The following LMX1A variants were observed in gnomAD, a reference collection of about 807,000 sequenced individuals.
LMX1A encodes LIM homeobox transcription factor 1-alpha.
Under a neutral mutation model 49.1 loss-of-function variants are expected in LMX1A, and 15 were observed. That is an observed-to-expected ratio of 0.31 (90% confidence interval 0.20 to 0.47). The LOEUF (loss-of-function observed/expected upper bound fraction) is 0.47, where lower values mean the gene tolerates loss of function less well. Ranked by LOEUF, LMX1A falls within the 20% of genes least tolerant of loss-of-function variation. The pLI, the probability that LMX1A is intolerant of heterozygous loss-of-function variation, is 1.00. For synonymous variants in LMX1A, 167 were observed against 185.7 expected, an observed-to-expected ratio of 0.90 and a Z score of 0.82; for missense variants, 372 against 475.8, an observed-to-expected ratio of 0.78 and a Z score of 2.03.
At chr1:165,291,416 T>C (rs1315164422) in intron 3 of LMX1A, among the ~76,000 whole-genome samples, 1 of 152,202 alleles carries the variant, frequency 6.6e-6, no homozygotes, top group East Asian at 1.9e-4. Context: ...CCATCTGTTA[T>C]GTTCCAGCTG....
At chr1:165,247,048 C>CTTTTTTTTTTTTTTTTT (rs1204141626) in intron 4 of LMX1A, among the ~76,000 whole-genome samples, 5 of 21,420 alleles carry the variant, frequency 2.3e-4, no homozygotes, top group Non-Finnish European at 4.0e-4. Flanking sequence ...ATCAGATCAG[C>CTTTTTTTTTTTTTTTTT]TTTTTCTTTT....
At chr1:165,296,527 C>T (rs552732101) in intron 3 of LMX1A, among the ~76,000 whole-genome samples, 2 of 152,386 alleles carry the variant, frequency 1.3e-5, no homozygotes, top group East Asian at 1.9e-4. Context: ...TCAGGTATCA[C>T]GTTGACTGTG....
chr1:165,270,561 G>C (rs569199170), intron 3 of LMX1A, among the ~76,000 whole-genome samples: 1 of 152,332 alleles, frequency 6.6e-6, no homozygotes, highest in Non-Finnish European at 1.5e-5. Context: ...GTGTCAAACA[G>C]TTAGAAAATG....
intron 3 of LMX1A, among the ~76,000 whole-genome samples, chr1:165,347,464 T>A (rs1261401661): frequency 6.6e-6 from 1 of 152,180 alleles, no homozygotes; most frequent in Non-Finnish European, 1.5e-5. Context: ...CCTCACCCCA[T>A]CCCTATATCT....
At position 165,296,978 on chromosome 1, in the gene LMX1A, C is replaced by T. The variant is rs533021508; in HGVS notation, c.264-47338G>A. Reference sequence around the variant, plus strand: ...GATGAGTTAGATGTACAGGAAGGTCCGCAAACTCCTAACAGGTGTCCTGGT... The same window carrying T: ...GATGAGTTAGATGTACAGGAAGGTCTGCAAACTCCTAACAGGTGTCCTGGT... On this transcript the variant is annotated intron_variant, in intron 3 of 8. Coordinates refer to ENST00000342310, the MANE Select transcript of LMX1A (RefSeq NM_177398.4). Among the ~76,000 whole-genome samples, 6 of 152,312 alleles carry T rather than the reference C, an allele frequency of 3.9e-5. No homozygotes were observed. The South Asian group carries it at 6.2e-4, about 16-fold the overall frequency.
intron 3 of LMX1A, among the ~76,000 whole-genome samples, chr1:165,289,421 C>A (rs1277827928): frequency 6.6e-6 from 1 of 152,140 alleles, no homozygotes; most frequent in African/African-American, 2.4e-5. Context: ...GTAAAATGCC[C>A]CAGGAACTGG....
intron 7 of LMX1A, among the ~76,000 whole-genome samples, chr1:165,207,859 C>T (rs1017895726): frequency 2.6e-5 from 4 of 152,206 alleles, no homozygotes; most frequent in African/African-American, 4.8e-5. Context: ...ATCAGCAGTT[C>T]TAAGCCTGCA....
chr1:165,204,297 G>T (rs1305481638), intron 8 of LMX1A, among the ~76,000 whole-genome samples: 1 of 152,194 alleles, frequency 6.6e-6, no homozygotes, highest in Non-Finnish European at 1.5e-5. Context: ...GGAGTGTGGG[G>T]AGTAGGCAGG....
At chr1:165,223,351 A>T (rs1162573202) in intron 4 of LMX1A, among the ~76,000 whole-genome samples, 1 of 152,194 alleles carries the variant, frequency 6.6e-6, no homozygotes, top group East Asian at 1.9e-4. Flanking sequence ...TAAGAAACTC[A>T]AACTCCTCAT....
At chr1:165,210,051 G>A (rs138971495) in intron 6 of LMX1A, among the ~76,000 whole-genome samples, 74 of 152,338 alleles carry the variant, frequency 4.9e-4, no homozygotes, top group African/African-American at 1.5e-3. Context: ...AGCATTCTGC[G>A]CTGATTGTTG....
At chr1:165,228,037 C>A (rs567666256) in intron 4 of LMX1A, among the ~76,000 whole-genome samples, 1 of 152,290 alleles carries the variant, frequency 6.6e-6, no homozygotes, top group East Asian at 1.9e-4. Flanking sequence ...ACAGACAGGA[C>A]CTCTTACTCT....
At chr1:165,275,825 T>C (rs1021607846) in intron 3 of LMX1A, among the ~76,000 whole-genome samples, 6 of 148,452 alleles carry the variant, frequency 4.0e-5, no homozygotes, top group Non-Finnish European at 6.0e-5. Context: ...CTAGAGCTTT[T>C]ATGGCGCTGG....
At position 165,276,043 on chromosome 1, in the gene LMX1A, C is replaced by T. The variant is rs373243008; in HGVS notation, c.264-26403G>A. Among the ~76,000 whole-genome samples, 20 of 151,734 alleles carry T rather than the reference C, an allele frequency of 1.3e-4. 1 individual carries two copies. The highest frequency in any genetic ancestry group is 7.2e-4 in the Admixed American group (11 of 15,250). ...AGTGATGGGATGCACACACCCCACC[C>T]GAGAGGCTGGCAGGAAGAAGAGGGG... On this transcript the variant is annotated intron_variant, in intron 3 of 8. Coordinates refer to ENST00000342310, the MANE Select transcript of LMX1A (RefSeq NM_177398.4).
chr1:165,253,753 G>A (rs887338587), intron 3 of LMX1A, among the ~76,000 whole-genome samples: 4 of 152,146 alleles, frequency 2.6e-5, no homozygotes, highest in African/African-American at 4.8e-5. Flanking sequence ...TGAAATTGGG[G>A]GATAGTCCAA....
In LMX1A at chr1:165,210,835, C is replaced by T. The variant is rs944181448; in HGVS notation, c.670-59G>A. 13 of 1,286,340 alleles carry T rather than the reference C, an allele frequency of 1.0e-5. No individual in the cohort carries two copies. In the East Asian group the frequency reaches 2.8e-4, roughly 28 times the overall value. The allele number at this position is 1,286,340 out of a possible 1,614,324, so 79.7% of individuals were successfully genotyped here. ...TGGCATCTCAGGGTAGGAGGTAGAA[C>T]ATCTCCTATATAATACTTGAGGAGG... On this transcript the variant is annotated intron_variant, in intron 5 of 8. Coordinates refer to ENST00000342310, the MANE Select transcript of LMX1A (RefSeq NM_177398.4).
intron 3 of LMX1A, among the ~76,000 whole-genome samples, chr1:165,284,404 G>A (rs116200844): frequency 1.5e-3 from 233 of 152,302 alleles, no homozygotes; most frequent in African/African-American, 5.4e-3. Context: ...AGGAGCTGAC[G>A]AAGGACTGCT....
intron 4 of LMX1A, among the ~76,000 whole-genome samples, chr1:165,243,280 A>G (rs1459579448): frequency 1.3e-5 from 2 of 152,244 alleles, no homozygotes; most frequent in African/African-American, 4.8e-5. Flanking sequence ...AAGAAAATGT[A>G]AAGATAAGAG....
rs148884855 is a variant in LMX1A, at chr1:165,221,944, C to CACACACACAT, written c.497-8132_497-8131insATGTGTGTGT. Among the ~76,000 whole-genome samples, 109 of 149,380 alleles carry CACACACACAT rather than the reference C, an allele frequency of 7.3e-4. 3 individuals carry two copies. The East Asian group carries it at 0.012, about 16-fold the overall frequency. On this transcript the variant is annotated intron_variant, in intron 4 of 8. Coordinates refer to ENST00000342310, the MANE Select transcript of LMX1A (RefSeq NM_177398.4). ...ACACACACACACACACACACACACA[C>CACACACACAT]GCACACGCACACACACACGCTTTCT...
chr1:165,256,045 T>C (rs1197008803), intron 3 of LMX1A, among the ~76,000 whole-genome samples: 1 of 151,930 alleles, frequency 6.6e-6, no homozygotes. Context: ...TGGGCATGAC[T>C]TTGACATGGG....
Sources: allele counts gnomAD v4.1 joint callset (sites outside exome capture counted in the v4.1 genomes callset), GRCh38; gene constraint gnomAD v4.1.1; transcripts MANE v1.5; gene names NCBI Gene and HGNC (gene_info 2026-07-23, HGNC 2026-07-21).